Variants in ARSG observed in about 807,000 individuals in gnomAD.
The protein encoded by ARSG is ASG.
A neutral mutation model predicts 50.5 loss-of-function variants in ARSG; 37 were observed. The ratio of observed to expected loss-of-function variants is 0.73; its 90% CI spans 0.56 to 0.96. ARSG has a LOEUF of 0.96. ARSG is among the 50% of genes least tolerant of loss of function. ARSG has a pLI of 0.00. For missense variants in ARSG, 629 were observed against 675.3 expected (o/e 0.93, Z 0.76); for synonymous variants, 225 against 254.6 (o/e 0.88, Z 1.11).
chr17:68,401,292 G>A, intron 10 of ARSG, 68 bp from the exon 11 acceptor site: 2 of 1,404,780 alleles, frequency 1.4e-6, no homozygotes, highest in Non-Finnish European at 2.0e-6. Context: ...CAAGGTATTG[G>A]GATTACAGGC....
chr17:68,300,804 C>A (rs1212823640), intron 1 of ARSG, among the ~76,000 whole-genome samples: 1 of 150,774 alleles, frequency 6.6e-6, no homozygotes, highest in African/African-American at 2.4e-5. Context: ...TCGTTGGGTT[C>A]ACAGAAATGA....
chr17:68,444,514 C>T, the ARSG span: 7 of 1,613,982 alleles, frequency 4.3e-6, no homozygotes, highest in South Asian at 7.7e-5. Flanking sequence ...GCAGGAATAT[C>T]CAGGAGGGTC....
At chr17:68,429,927 T>C in the ARSG span, 1 of 1,602,300 alleles carries the variant, frequency 6.2e-7, no homozygotes, top group Non-Finnish European at 8.5e-7. Flanking sequence ...GGTTTGGGGA[T>C]TTTTGTGCTT....
chr17:68,278,340 G>A (rs782610288), intron 1 of ARSG: 1 of 1,578,990 alleles, frequency 6.3e-7, no homozygotes, highest in Non-Finnish European at 8.7e-7. Flanking sequence ...GAAAGAAAAA[G>A]TTAAAAGCAA....
chr17:68,369,089 A>G (rs1018912882), intron 7 of ARSG, among the ~76,000 whole-genome samples: 4 of 152,132 alleles, frequency 2.6e-5, no homozygotes, highest in African/African-American at 9.7e-5. Flanking sequence ...CCTCTTCTCC[A>G]TCTTCCCTGG....
intron 1 of ARSG, among the ~76,000 whole-genome samples, chr17:68,276,055 A>G (rs1401468722): frequency 1.3e-5 from 2 of 152,090 alleles, no homozygotes; most frequent in Non-Finnish European, 2.9e-5. Context: ...GAAACTTGTA[A>G]GGGATAGTAT....
chr17:68,260,836 A>G (rs74252521), intron 1 of ARSG, among the ~76,000 whole-genome samples: 28,786 of 152,148 alleles, frequency 0.19, 2,774 homozygotes, highest in Middle Eastern at 0.3. Flanking sequence ...TAGTTGAGGC[A>G]TTAAAAGAAA....
chr17:68,443,900 A>G, the ARSG span, among the ~76,000 whole-genome samples: 4 of 152,252 alleles, frequency 2.6e-5, no homozygotes, highest in Non-Finnish European at 5.9e-5. Flanking sequence ...ATGAATTCAT[A>G]TAATGTCATC....
chr17:68,406,209 A>G (rs115871394), intron 11 of ARSG, among the ~76,000 whole-genome samples: 1 of 152,218 alleles, frequency 6.6e-6, no homozygotes, highest in Non-Finnish European at 1.5e-5. Context: ...GGTTGCTGCA[A>G]ATGCTGTTGA....
downstream of ARSG, chr17:68,424,603 C>T (rs2083030893): frequency 2.1e-5 from 10 of 470,438 alleles, no homozygotes; most frequent in Non-Finnish European, 3.9e-5. Flanking sequence ...CGGCCGGGTG[C>T]GGCGGTTCAC....
intron 3 of ARSG, among the ~76,000 whole-genome samples, chr17:68,344,222 C>A (rs117445873): frequency 0.016 from 2,403 of 152,272 alleles, 23 homozygotes; most frequent in Non-Finnish European, 0.024. Context: ...TGCCTGCACC[C>A]CAAGAATTGC....
At chr17:68,372,451 G>C (rs752480918) in intron 8 of ARSG, among the ~76,000 whole-genome samples, 13 of 152,188 alleles carry the variant, frequency 8.5e-5, no homozygotes, top group Middle Eastern at 3.2e-3. Context: ...GAGGCCTCAG[G>C]AAACTTACAA....
At chr17:68,351,318 A>G (rs896092219) in intron 4 of ARSG, among the ~76,000 whole-genome samples, 1 of 152,070 alleles carries the variant, frequency 6.6e-6, no homozygotes, top group South Asian at 2.1e-4. Flanking sequence ...GCATTCAATA[A>G]TTCTCTCCAC....
At chr17:68,326,688 CAG>C (rs2077518371) in intron 2 of ARSG, among the ~76,000 whole-genome samples, 1 of 152,140 alleles carries the variant, frequency 6.6e-6, no homozygotes. Flanking sequence ...ACAAAAAAAG[CAG>C]AAAGTAAAAG....
intron 6 of ARSG, 101 bp downstream of exon 6, chr17:68,356,905 A>G (rs1431227845): frequency 2.1e-6 from 3 of 1,454,224 alleles, no homozygotes; most frequent in Non-Finnish European, 2.8e-6. Flanking sequence ...GCCATGGCAG[A>G]GTTTTGCTGC....
intron 2 of ARSG, among the ~76,000 whole-genome samples, chr17:68,317,955 C>T (rs553655735): frequency 1.3e-3 from 195 of 151,962 alleles, no homozygotes; most frequent in African/African-American, 4.4e-3. Flanking sequence ...AAAAATTAGC[C>T]GGGCGTGGTG....
At chr17:68,332,413 A>T (rs2077817022) in intron 2 of ARSG, among the ~76,000 whole-genome samples, 1 of 152,166 alleles carries the variant, frequency 6.6e-6, no homozygotes, top group East Asian at 1.9e-4. Context: ...AGTTAATGCA[A>T]TCATCACAGG....
At chr17:68,356,090 C>T (rs574734119) in intron 5 of ARSG, among the ~76,000 whole-genome samples, 1 of 152,084 alleles carries the variant, frequency 6.6e-6, no homozygotes, top group Non-Finnish European at 1.5e-5. Flanking sequence ...CCCTGCTGGC[C>T]AGGCTGGTCT....
chr17:68,298,618 AG>A (rs1568433643), intron 1 of ARSG, among the ~76,000 whole-genome samples: 3 of 139,002 alleles, frequency 2.2e-5, no homozygotes, highest in African/African-American at 8.6e-5. Context: ...AAAAAAAAAG[AG>A]AAGAACACTA....
Sources: allele counts gnomAD v4.1 joint callset (sites outside exome capture counted in the v4.1 genomes callset), GRCh38; gene constraint gnomAD v4.1.1; transcripts MANE v1.5; gene names NCBI Gene and HGNC (gene_info 2026-07-23, HGNC 2026-07-21).